The following SI variants were observed in gnomAD, a reference collection of about 807,000 sequenced individuals.
SI encodes sucrase-isomaltase.
SI carries 235 observed loss-of-function variants against 253.3 expected under a neutral mutation model. The ratio of observed to expected loss-of-function variants is 0.93; its 90% CI spans 0.83 to 1.03. The LOEUF (loss-of-function observed/expected upper bound fraction) is 1.03. SI is among the 50% of genes least tolerant of loss of function. SI has a pLI of 0.00. For missense variants in SI, 2,442 were observed against 2,211.1 expected (o/e 1.10, Z -2.09); for synonymous variants, 819 against 712.0 (o/e 1.15, Z -2.39).
At position 164,979,068 on chromosome 3, in the gene SI, A is replaced by G. The variant is rs1475940050; in HGVS notation, c.*294T>C. On this transcript the variant is annotated 3_prime_UTR_variant, in exon 48 of 48. Transcript: ENST00000264382. Reference sequence around the variant, plus strand: ...AATTTAAAAATCACGTTTAAATTATATCTTAGCTATTTACATACATGTTTA... The same window carrying G: ...AATTTAAAAATCACGTTTAAATTATGTCTTAGCTATTTACATACATGTTTA... The G allele has an allele frequency of 8.7e-6, 2 of 230,366 alleles. No homozygotes were observed. The highest frequency in any genetic ancestry group is 1.7e-5 in the Non-Finnish European group (2 of 117,922). The allele number at this position is 230,366 out of a possible 1,614,324, so 14.3% of individuals were successfully genotyped here.
At chr3:165,068,642 G>T (rs1714382684) in intron 5 of SI, 80 bp downstream of exon 5, 2 of 974,498 alleles carry the variant, frequency 2.1e-6, no homozygotes, top group African/African-American at 1.6e-5. Context: ...CAAAGTGCTG[G>T]TATTACAGGC....
At chr3:165,070,362 A>ATG (rs1410923068) in intron 3 of SI, among the ~76,000 whole-genome samples, 28 of 137,356 alleles carry the variant, frequency 2.0e-4, no homozygotes, top group African/African-American at 7.2e-4. Flanking sequence ...ATATATATAT[A>ATG]TATGTGTGTG....
At position 165,039,982 on chromosome 3, in the gene SI, T is replaced by A; in HGVS notation, c.2160-11A>T. The A allele has an allele frequency of 3.8e-6, 6 of 1,595,576 alleles. No individual in the cohort carries two copies. In the South Asian group the frequency reaches 5.5e-5, roughly 15 times the overall value. ...GTATCCTCATAAAACCTAAGAACAA[T>A]GACAATGTTTAAAGTATAATAATGA... On this transcript the variant is annotated splice_polypyrimidine_tract_variant and intron_variant, in intron 18 of 47. Coordinates refer to ENST00000264382, the MANE Select transcript of SI (RefSeq NM_001041.4).
upstream of SI, among the ~76,000 whole-genome samples, chr3:165,079,223 G>A (rs1715193392): frequency 6.6e-6 from 1 of 151,516 alleles, no homozygotes; most frequent in South Asian, 2.1e-4. Flanking sequence ...AATGCTGGCT[G>A]TACTATGCTT....
chr3:164,996,387 A>G, intron 40 of SI, 148 bp downstream of exon 40: 1 of 615,044 alleles, frequency 1.6e-6, no homozygotes, highest in Non-Finnish European at 3.0e-6. Flanking sequence ...AGATACTCAA[A>G]AAAAGTTCCT....
In SI at chr3:165,038,059, T is replaced by C. The variant is rs753536087; in HGVS notation, c.2302-35A>G. The C allele has an allele frequency of 5.8e-6, 9 of 1,552,604 alleles. No homozygotes were observed. The Admixed American group carries it at 1.3e-4, about 23-fold the overall frequency. The stretch of plus-strand genomic sequence containing the variant: ...GGAAGATTAAAAACATTCTTAATAT[T>C]ATTGAAGACTTTAAACTCTATTTCA... On this transcript the variant is annotated intron_variant, in intron 20 of 47. Coordinates refer to ENST00000264382, the MANE Select transcript of SI (RefSeq NM_001041.4).
chr3:165,070,241 T>G (rs906996208), intron 3 of SI, among the ~76,000 whole-genome samples: 3 of 143,432 alleles, frequency 2.1e-5, no homozygotes, highest in Admixed American at 1.4e-4. Flanking sequence ...AAAATACACA[T>G]AGTTTTATTT....
intron 34 of SI, among the ~76,000 whole-genome samples, chr3:165,011,938 C>T (rs571178962): frequency 6.6e-6 from 1 of 152,004 alleles, no homozygotes; most frequent in South Asian, 2.1e-4. Context: ...TCGTATCTTC[C>T]TAATGAATTG....
intron 22 of SI, among the ~76,000 whole-genome samples, chr3:165,033,978 C>T (rs1712393259): frequency 6.6e-6 from 1 of 151,184 alleles, no homozygotes; most frequent in African/African-American, 2.4e-5. Flanking sequence ...GATTCTGTAC[C>T]ATATATGTAA....
intron 19 of SI, 73 bp from the exon 20 acceptor site, chr3:165,039,207 G>T: frequency 1.9e-6 from 2 of 1,040,714 alleles, no homozygotes; most frequent in South Asian, 1.4e-5. Context: ...ATTAAGTTGG[G>T]TTTTCATAGT....
chr3:164,988,386 C>T (rs980060118), intron 44 of SI, among the ~76,000 whole-genome samples: 1 of 152,100 alleles, frequency 6.6e-6, no homozygotes, highest in African/African-American at 2.4e-5. Flanking sequence ...TATGGCTTAA[C>T]CTGCAATTTC....
intron 12 of SI, 94 bp downstream of exon 12, chr3:165,058,859 TACACACACAC>T (rs138742044): frequency 1.1e-5 from 7 of 639,450 alleles, no homozygotes; most frequent in African/African-American, 3.7e-5. Flanking sequence ...AAAGCAGACA[TACACACACAC>T]ACACACACAC....
At position 165,017,592 on chromosome 3, in the gene SI, C is replaced by T; in HGVS notation, c.3715G>A (p.Val1239Ile). The change falls in exon 31 of 48, where the codon GTT (valine) becomes ATT (isoleucine). Residue 1239 changes from valine to isoleucine, a missense_variant. Coordinates refer to ENST00000264382, the MANE Select transcript of SI (RefSeq NM_001041.4). ...ACCATAGCGTCATATAATTCCCGAA[C>T]CTCTGAAGTATTTGCATATCCATAA... ...CRYGYANTSE[V>I]RELYDAMVAA... 6.2e-7 allele frequency: 1 copy of T among 1,612,680 alleles called. No homozygotes were observed. The highest frequency in any genetic ancestry group is 8.5e-7 in the Non-Finnish European group (1 of 1,179,030).
intron 25 of SI, among the ~76,000 whole-genome samples, chr3:165,025,873 C>T (rs1282540722): frequency 6.6e-6 from 1 of 151,244 alleles, no homozygotes; most frequent in Non-Finnish European, 1.5e-5. Flanking sequence ...AGAAATACAT[C>T]AAAACAGAAC....
upstream of SI, among the ~76,000 whole-genome samples, chr3:165,080,945 T>C (rs1373599986): frequency 6.6e-6 from 1 of 151,874 alleles, no homozygotes; most frequent in Non-Finnish European, 1.5e-5. Flanking sequence ...AAAAAAACTT[T>C]GTGTGATTTT....
chr3:165,021,352 A>G lies in SI; in HGVS notation c.3131T>C (p.Val1044Ala), dbSNP rs748973065. ...IYDPQKKRYEVPVPLNIPTTP... is the reference protein window; with the variant it reads ...IYDPQKKRYEAPVPLNIPTTP... The stretch of plus-strand genomic sequence containing the variant: ...GGTTGGAATGTTTAACGGTACTGGT[A>G]CTTCATATCTCTTCTTTTGGGGATC... Residue 1044 changes from valine (V) to alanine (A), a missense_variant, in exon 27 of 48, where the codon GTA (valine) becomes GCA (alanine). Transcript: ENST00000264382. The G allele has an allele frequency of 6.2e-7, 1 of 1,610,752 alleles. No homozygotes were observed. Among genetic ancestry groups the G allele is most frequent in the Non-Finnish European group, 8.5e-7 (1 of 1,177,568 alleles).
upstream of SI, among the ~76,000 whole-genome samples, chr3:165,081,190 A>C (rs185460136): frequency 4.6e-5 from 7 of 152,182 alleles, no homozygotes; most frequent in Admixed American, 4.6e-4. Context: ...AGGTGTTTTA[A>C]CTTAAAACAT....
At chr3:165,033,687 A>G (rs1301878435) in intron 22 of SI, among the ~76,000 whole-genome samples, 6 of 151,604 alleles carry the variant, frequency 4.0e-5, no homozygotes, top group African/African-American at 7.2e-5. Context: ...TTCAAAGACT[A>G]CCAAGGTATT....
Position 165,049,084 on chromosome 3 carries a change from A to G in SI, c.1715+43T>C, listed in dbSNP as rs371483451. ...TGATAAATTATCAAAAACATTTTTA[A>G]GCAATAAATATGAAAGAAGTCTTTG... On this transcript the variant is annotated intron_variant, in intron 15 of 47. Transcript: ENST00000264382. The G allele has an allele frequency of 2.8e-5, 29 of 1,053,468 alleles. No individual in the cohort carries two copies. In the East Asian group the frequency reaches 4.3e-4, roughly 16 times the overall value. The allele number at this position is 1,053,468 out of a possible 1,614,324, so 65.3% of individuals were successfully genotyped here.
Sources: gnomAD v4.1 joint callset for allele counts (sites outside exome capture counted in the v4.1 genomes callset) on GRCh38, gnomAD v4.1.1 for gene constraint, MANE v1.5 for transcripts, NCBI Gene and HGNC (gene_info 2026-07-23, HGNC 2026-07-21) for gene names.